Variants in ATP6V0A2 observed in about 807,000 individuals in gnomAD.
The protein encoded by ATP6V0A2 is V-type proton ATPase 116 kDa subunit a 2.
A neutral mutation model predicts 104.4 loss-of-function variants in ATP6V0A2; 58 were observed. The observed-to-expected ratio is 0.56, with a 90% CI of 0.45 to 0.69. The LOEUF is 0.69. ATP6V0A2 is among the 30% of genes least tolerant of loss of function. ATP6V0A2 has a pLI of 0.00. For missense variants in ATP6V0A2, 938 were observed against 1,062.9 expected, an observed-to-expected ratio of 0.88 and a Z score of 1.63; for synonymous variants, 376 against 397.9, an observed-to-expected ratio of 0.95 and a Z score of 0.65.
intron 9 of ATP6V0A2, among the ~76,000 whole-genome samples, chr12:123,739,496 A>T (rs558720837): frequency 1.3e-5 from 2 of 152,032 alleles, no homozygotes; most frequent in African/African-American, 2.4e-5. Context: ...TGTCGCCAAG[A>T]TTGAATTTGA....
At chr12:123,754,024 C>T in intron 17 of ATP6V0A2, 2 of 263,956 alleles carry the variant, frequency 7.6e-6, no homozygotes, top group African/African-American at 4.4e-5. Flanking sequence ...TAGTGAATCG[C>T]AGTCTACTCT....
Position 123,760,266 on chromosome 12 carries a change from C to T in ATP6V0A2, c.*2234C>T, listed in dbSNP as rs1262805669. 1 of 152,174 alleles carries T rather than the reference C, an allele frequency of 6.6e-6. No homozygotes were observed. The highest frequency in any genetic ancestry group is 1.5e-5 in the Non-Finnish European group (1 of 68,018). The allele number at this position is 152,174 out of a possible 1,614,324, so 9.4% of individuals were successfully genotyped here. A position where few individuals can be genotyped will look rare whatever the true frequency, so the allele number is the denominator to read the frequency against. On this transcript the variant is annotated 3_prime_UTR_variant, in exon 20 of 20. Transcript: ENST00000330342. The stretch of plus-strand genomic sequence containing the variant: ...CATAGAGCAGAGGATGCAGTCATTT[C>T]TCTGTTGAAATCTATGTAGTATTTA...
chr12:123,718,091 AT>A (rs57967439), intron 1 of ATP6V0A2, among the ~76,000 whole-genome samples: 92,768 of 142,862 alleles, frequency 0.65, 29,894 homozygotes, highest in East Asian at 0.94. Context: ...TGCCTGGCTA[AT>A]TTTTTTTTTT....
At chr12:123,740,237 C>T (rs1388940347) in intron 9 of ATP6V0A2, among the ~76,000 whole-genome samples, 3 of 148,124 alleles carry the variant, frequency 2.0e-5, no homozygotes, top group African/African-American at 5.0e-5. Flanking sequence ...GAGTCTGGCT[C>T]TTTCGCCCAC....
chr12:123,726,386 G>C (rs1371419803), intron 5 of ATP6V0A2, 101 bp downstream of exon 5: 17 of 840,138 alleles, frequency 2.0e-5, no homozygotes, highest in Non-Finnish European at 3.1e-5. Flanking sequence ...TTAAAGCCTA[G>C]GGTTGAATGA....
rs58386561 is a variant in ATP6V0A2, at chr12:123,717,446, CT to C, written c.118-1161del. 9.5e-3 allele frequency among the ~76,000 whole-genome samples: 1,335 copies of C among 140,878 alleles called. 9 individuals carry two copies. The highest frequency in any genetic ancestry group is 0.032 in the African/African-American group (1,202 of 37,602). The allele number at this position is 140,878 out of a possible 152,430, so 92.4% of individuals were successfully genotyped here. ...GTAATTTCTTTTCTTTTCTTTCTTT[CT>C]TTTTTTTTTTTTTTTGAGACAGGCT... is the stretch of plus-strand genomic sequence containing the variant. On this transcript the variant is annotated intron_variant, in intron 1 of 19. Transcript: ENST00000330342.
At position 123,752,839 on chromosome 12, in the gene ATP6V0A2, A is replaced by G. The variant is rs1417113323; in HGVS notation, c.2175+437A>G. Among the ~76,000 whole-genome samples, 3 of 152,300 alleles carry G rather than the reference A, an allele frequency of 2.0e-5. No homozygotes were observed. The East Asian group carries it at 5.8e-4, about 29-fold the overall frequency. On this transcript the variant is annotated intron_variant, in intron 17 of 19. Transcript: ENST00000330342. ...TTACAGTTTTGGGGTCTCCAATTCCAAGAGGCCTTGGTTGGCTTTTTTTCT... is the reference window on the plus strand; with the variant it reads ...TTACAGTTTTGGGGTCTCCAATTCCGAGAGGCCTTGGTTGGCTTTTTTTCT...
intron 1 of ATP6V0A2, among the ~76,000 whole-genome samples, chr12:123,715,420 T>A (rs1199822052): frequency 6.6e-6 from 1 of 152,190 alleles, no homozygotes; most frequent in African/African-American, 2.4e-5. Context: ...TGAGAATTTT[T>A]ACCTTTTTTC....
Position 123,716,705 on chromosome 12 carries a change from C to T in ATP6V0A2, c.118-1918C>T, listed in dbSNP as rs556085037. Among the ~76,000 whole-genome samples the T allele has an allele frequency of 5.3e-5, 8 of 151,184 alleles. No individual in the cohort carries two copies. In the East Asian group the frequency reaches 7.9e-4, roughly 15 times the overall value. ...ACTCAGGAGGCTGAGGCAGGAGGAT[C>T]GCTTGAACCTGGGAGGCAGAGGTTG... On this transcript the variant is annotated intron_variant, in intron 1 of 19. Transcript: ENST00000330342.
At chr12:123,743,662 A>AAAACAAAACAACACCACCAAAAAAAAC in intron 9 of ATP6V0A2, 123 bp from the exon 10 acceptor site, 1 of 1,104,936 alleles carries the variant, frequency 9.1e-7, no homozygotes, top group Non-Finnish European at 1.3e-6. Context: ...TCAAAAAAAA[A>AAAACAAAACAACACCACCAAAAAAAAC]CAAAACAAAA....
rs1043477659 is a variant in ATP6V0A2 at position 123,735,587 on chromosome 12, A to C, written c.788A>C (p.Gln263Pro). The C allele has an allele frequency of 2.5e-6, 4 of 1,614,092 alleles. No homozygotes were observed. The Admixed American group carries it at 5.0e-5, about 20-fold the overall frequency. ...ACAGCCGAGGAGCGGAGGGAGATCCAGGAGGGGCTGAACACCCGCATCCAG... is the reference window on the plus strand; with the variant it reads ...ACAGCCGAGGAGCGGAGGGAGATCCCGGAGGGGCTGAACACCCGCATCCAG... ...PNTAEERREI[Q>P]EGLNTRIQDL... The change falls in exon 8 of 20, where the codon CAG becomes CCG. Residue 263 changes from glutamine to proline, a missense_variant. Gln to Pro is a moderately conservative substitution (Grantham distance 76, BLOSUM62 -1). Coordinates refer to ENST00000330342, the MANE Select transcript of ATP6V0A2 (RefSeq NM_012463.4).
rs920514984 is a variant in ATP6V0A2 at position 123,743,962 on chromosome 12, G to A, written c.1189+27G>A. 9 of 1,613,544 alleles carry A rather than the reference G, an allele frequency of 5.6e-6. No homozygotes were observed. The South Asian group carries it at 8.8e-5, about 16-fold the overall frequency. On this transcript the variant is annotated intron_variant, in intron 10 of 19. Coordinates refer to ENST00000330342, the MANE Select transcript of ATP6V0A2 (RefSeq NM_012463.4). ...TTGGAAGTCTGATTTGTAAATACCC[G>A]TATTTCCAATGGCATTGTTGCATTC...
intron 18 of ATP6V0A2, chr12:123,754,784 T>A (rs982558951): frequency 6.1e-5 from 29 of 478,130 alleles, no homozygotes; most frequent in East Asian, 1.0e-4. Context: ...CTGCCCAATT[T>A]AAAAAAAAAA....
In ATP6V0A2 at chr12:123,756,948, A is replaced by G. The variant is rs973518649; in HGVS notation, c.2427A>G (p.Glu809=). The change falls in exon 19 of 20, where the codon GAA becomes GAG. Residue 809 remains glutamate (E), a synonymous_variant. Coordinates refer to ENST00000330342, the MANE Select transcript of ATP6V0A2 (RefSeq NM_012463.4). ...CCATTTTCATCCTTCTGATCATGGAAGGGCTTTCTGCGTTTCTTCACGCCA... is the reference window on the plus strand; with the variant it reads ...CCATTTTCATCCTTCTGATCATGGAGGGGCTTTCTGCGTTTCTTCACGCCA... The part of the protein sequence containing the change: ...VLTIFILLIM[E]GLSAFLHAIR... The G allele has an allele frequency of 1.2e-6, 2 of 1,614,212 alleles. No individual in the cohort carries two copies. The highest frequency in any genetic ancestry group is 1.7e-6 in the Non-Finnish European group (2 of 1,180,042).
Position 123,716,594 on chromosome 12 carries a change from C to A in ATP6V0A2, c.118-2029C>A, listed in dbSNP as rs1956341793. 2.0e-5 allele frequency among the ~76,000 whole-genome samples: 3 copies of A among 151,974 alleles called. No individual in the cohort carries two copies. In the South Asian group the frequency reaches 6.2e-4, roughly 32 times the overall value. ...TCACTTGAGCCCACCAGTTTGAGACCAGCCTGAACAACATGGCGAAACCCC... is the reference window on the plus strand; with the variant it reads ...TCACTTGAGCCCACCAGTTTGAGACAAGCCTGAACAACATGGCGAAACCCC... On this transcript the variant is annotated intron_variant, in intron 1 of 19. Transcript: ENST00000330342.
chr12:123,732,413 T>A (rs1159419374), intron 6 of ATP6V0A2: 1 of 152,474 alleles, frequency 6.6e-6, no homozygotes, highest in African/African-American at 2.4e-5. Flanking sequence ...TTCATTCCTG[T>A]ACTCAAGACC....
chr12:123,736,956 C>T (rs1956560092), intron 8 of ATP6V0A2, 103 bp from the exon 9 acceptor site: 2 of 1,145,032 alleles, frequency 1.7e-6, no homozygotes. Flanking sequence ...CTGGAATGAT[C>T]CTCTGTCAAT....
At chr12:123,713,855 C>G (rs1017410009) in intron 1 of ATP6V0A2, among the ~76,000 whole-genome samples, 1 of 152,154 alleles carries the variant, frequency 6.6e-6, no homozygotes, top group African/African-American at 2.4e-5. Context: ...ATCAGCCCTA[C>G]CCGAGATCTG....
At chr12:123,757,223 G>A (rs182076740) in intron 19 of ATP6V0A2, among the ~76,000 whole-genome samples, 3 of 152,060 alleles carry the variant, frequency 2.0e-5, no homozygotes, top group East Asian at 1.9e-4. Context: ...GGTGGATCAC[G>A]TGAGGTCAGG....
Sources: allele counts gnomAD v4.1 joint callset (sites outside exome capture counted in the v4.1 genomes callset), GRCh38; gene constraint gnomAD v4.1.1; transcripts MANE v1.5; gene names NCBI Gene and HGNC (gene_info 2026-07-23, HGNC 2026-07-21).